Variants in TCAIM observed in about 807,000 individuals in gnomAD.
TCAIM encodes T cell activation inhibitor, mitochondrial.
A neutral mutation model predicts 58.6 loss-of-function variants in TCAIM; 36 were observed. The ratio of observed to expected loss-of-function variants is 0.61; its 90% CI spans 0.47 to 0.81. TCAIM has a LOEUF of 0.81. Among genes scored for constraint, TCAIM ranks in the 30% least tolerant of loss-of-function variants. TCAIM has a pLI of 0.00. For synonymous variants in TCAIM, 172 were observed against 193.6 expected, an observed-to-expected ratio of 0.89 and a Z score of 0.93; for missense variants, 466 against 579.6, an observed-to-expected ratio of 0.80 and a Z score of 2.01.
intron 6 of TCAIM, among the ~76,000 whole-genome samples, chr3:44,394,921 A>AATATAT: frequency 1.9e-3 from 91 of 48,480 alleles, no homozygotes; most frequent in African/African-American, 2.3e-3. Flanking sequence ...AAAAAAAAAA[A>AATATAT]ATATATATAT....
chr3:44,358,486 T>C, intron 3 of TCAIM: 1 of 497,320 alleles, frequency 2.0e-6, no homozygotes, highest in Non-Finnish European at 3.5e-6. Context: ...GTACTACACA[T>C]GAACAAACTT....
At chr3:44,344,023 C>CTTTTTTTT (rs5848695) in intron 1 of TCAIM, among the ~76,000 whole-genome samples, 1 of 118,372 alleles carries the variant, frequency 8.4e-6, no homozygotes, top group Non-Finnish European at 1.7e-5. Context: ...GATGGAAATG[C>CTTTTTTTT]TTTTTTTTTT....
At chr3:44,378,283 G>C (rs1375811181) in intron 5 of TCAIM, among the ~76,000 whole-genome samples, 1 of 151,874 alleles carries the variant, frequency 6.6e-6, no homozygotes, top group Non-Finnish European at 1.5e-5. Context: ...AGGAGGCTGA[G>C]GCACAAGAAT....
At chr3:44,406,384 G>C (rs1413632732) in intron 10 of TCAIM, among the ~76,000 whole-genome samples, 2 of 152,182 alleles carry the variant, frequency 1.3e-5, no homozygotes, top group Non-Finnish European at 2.9e-5. Flanking sequence ...GGTTCTTTCT[G>C]TCTAATCCTG....
rs373400077 is a variant in TCAIM, at chr3:44,378,210, G to A, written c.572+10502G>A. On this transcript the variant is annotated intron_variant, in intron 5 of 10. Coordinates refer to ENST00000342649, the MANE Select transcript of TCAIM (RefSeq NM_173826.4). ...AGCCTGGCCAACATGGTGAAACCCC[G>A]TCTCTACTAAAAATACAAAAATTAG... 1.3e-4 allele frequency among the ~76,000 whole-genome samples: 19 copies of A among 150,840 alleles called. No individual in the cohort carries two copies. In the South Asian group the frequency reaches 1.7e-3, roughly 13 times the overall value.
rs780627395 is a variant in TCAIM, at chr3:44,392,985, A to G, written c.695+8A>G. 2 of 1,599,930 alleles carry G rather than the reference A, an allele frequency of 1.3e-6. No homozygotes were observed. Among genetic ancestry groups the G allele is most frequent in the Non-Finnish European group, 1.7e-6 (2 of 1,174,342 alleles). On this transcript the variant is annotated splice_region_variant and intron_variant, in intron 6 of 10. Coordinates refer to ENST00000342649, the MANE Select transcript of TCAIM (RefSeq NM_173826.4). ...GCAACTCTCAGATATCAGGTAAGAA[A>G]GAAGAGAGAACCTAATTTAGAAATT... is the stretch of plus-strand genomic sequence containing the variant.
intron 1 of TCAIM, among the ~76,000 whole-genome samples, chr3:44,351,527 C>T (rs1450765542): frequency 1.3e-5 from 2 of 151,980 alleles, no homozygotes; most frequent in Non-Finnish European, 2.9e-5. Flanking sequence ...CAGAGTCTCA[C>T]TCTGTTGCCC....
rs370303787 is a variant in TCAIM at position 44,350,214 on chromosome 3, G to A, written c.-44-4525G>A. 2.0e-5 allele frequency among the ~76,000 whole-genome samples: 3 copies of A among 152,242 alleles called. No homozygotes were observed. In the East Asian group the frequency reaches 5.8e-4, roughly 29 times the overall value. On this transcript the variant is annotated intron_variant, in intron 1 of 10. Coordinates refer to ENST00000342649, the MANE Select transcript of TCAIM (RefSeq NM_173826.4). ...CAGTCAAACGGGGTTGTTCTCTTGAGGGCAGGGGCGAGGGTCACAAGGTGC... is the reference window on the plus strand; with the variant it reads ...CAGTCAAACGGGGTTGTTCTCTTGAAGGCAGGGGCGAGGGTCACAAGGTGC...
chr3:44,359,114 A>G (rs1701253321), intron 3 of TCAIM: 2 of 978,766 alleles, frequency 2.0e-6, no homozygotes, highest in Non-Finnish European at 2.4e-6. Flanking sequence ...GCAGCAGGGC[A>G]TGGTGGCACA....
At chr3:44,348,738 T>C (rs1458813413) in intron 1 of TCAIM, among the ~76,000 whole-genome samples, 1 of 152,160 alleles carries the variant, frequency 6.6e-6, no homozygotes, top group Non-Finnish European at 1.5e-5. Context: ...ATATTGAGAA[T>C]AAGATGGCCT....
At chr3:44,376,328 AAAG>A (rs1701565259) in intron 5 of TCAIM, among the ~76,000 whole-genome samples, 1 of 152,216 alleles carries the variant, frequency 6.6e-6, no homozygotes, top group Non-Finnish European at 1.5e-5. Context: ...CCATTTTTAA[AAAG>A]AACTATCACT....
chr3:44,354,741 A>G lies in TCAIM; in HGVS notation c.-42A>G. On this transcript the variant is annotated splice_region_variant and 5_prime_UTR_variant, in exon 2 of 11. Coordinates refer to ENST00000342649, the MANE Select transcript of TCAIM (RefSeq NM_173826.4). ...GTGATATCTGCTTAACTTTTAAGCA[A>G]TTAATGGATGCCTCGAAGTTGACGT... The G allele has an allele frequency of 1.3e-6, 2 of 1,597,492 alleles. No homozygotes were observed. The highest frequency in any genetic ancestry group is 8.5e-7 in the Non-Finnish European group (1 of 1,175,160).
intron 5 of TCAIM, among the ~76,000 whole-genome samples, chr3:44,374,018 A>G (rs1701524354): frequency 6.6e-6 from 1 of 152,146 alleles, no homozygotes; most frequent in Admixed American, 6.5e-5. Flanking sequence ...CTTTTTTTCT[A>G]TTTGACCTTA....
intron 1 of TCAIM, chr3:44,340,683 G>A (rs1194432418): frequency 2.6e-5 from 4 of 151,882 alleles, no homozygotes; most frequent in African/African-American, 7.2e-5. Context: ...CCCTAATACA[G>A]TGGTTCTCAA....
intron 6 of TCAIM, among the ~76,000 whole-genome samples, chr3:44,395,368 T>C (rs1701917679): frequency 6.6e-6 from 1 of 152,194 alleles, no homozygotes; most frequent in Non-Finnish European, 1.5e-5. Context: ...CTGTTTTGAA[T>C]GCCTGACTCC....
chr3:44,342,384 C>A (rs1700871945), intron 1 of TCAIM, among the ~76,000 whole-genome samples: 1 of 152,144 alleles, frequency 6.6e-6, no homozygotes, highest in Non-Finnish European at 1.5e-5. Flanking sequence ...GGAGAAAAAG[C>A]ACACACCACT....
At chr3:44,384,022 ACTT>A (rs1047944904) in intron 5 of TCAIM, among the ~76,000 whole-genome samples, 4 of 152,100 alleles carry the variant, frequency 2.6e-5, no homozygotes, top group African/African-American at 4.8e-5. Flanking sequence ...TTTTTAAAAA[ACTT>A]CTTGCTTAGT....
At chr3:44,358,860 C>T in intron 3 of TCAIM, 3 of 985,238 alleles carry the variant, frequency 3.0e-6, no homozygotes, top group Non-Finnish European at 3.6e-6. Flanking sequence ...TTTCTACTTG[C>T]AATGGAAAAT....
intron 4 of TCAIM, among the ~76,000 whole-genome samples, chr3:44,366,291 CTT>C (rs781064809): frequency 1.0e-4 from 15 of 144,308 alleles, no homozygotes; most frequent in African/African-American, 1.8e-4. Context: ...AAATCAGTAA[CTT>C]TTTTTTTTTT....
Sources: allele counts gnomAD v4.1 joint callset (sites outside exome capture counted in the v4.1 genomes callset), GRCh38; gene constraint gnomAD v4.1.1; transcripts MANE v1.5; gene names NCBI Gene and HGNC (gene_info 2026-07-23, HGNC 2026-07-21).